ADAMTS14: variants seen among roughly 807,000 people sequenced by gnomAD.
The protein encoded by ADAMTS14 is A disintegrin and metalloproteinase with thrombospondin motifs 14.
In ADAMTS14, 100 loss-of-function variants were observed where a neutral mutation model predicts 128.6. That is an observed-to-expected ratio of 0.78 (90% CI 0.66 to 0.92). The LOEUF is 0.92. Ranked by LOEUF, ADAMTS14 falls within the 40% of genes least tolerant of loss-of-function variation. The pLI is 0.00. For synonymous variants in ADAMTS14, 665 were observed against 653.8 expected, an observed-to-expected ratio of 1.02 and a Z score of -0.26; for missense variants, 1,562 against 1,658.6, an observed-to-expected ratio of 0.94 and a Z score of 1.01.
At chr10:70,713,330 A>T (rs1340624448) in intron 4 of ADAMTS14, among the ~76,000 whole-genome samples, 2 of 80,002 alleles carry the variant, frequency 2.5e-5, no homozygotes, top group African/African-American at 9.5e-5. Flanking sequence ...GGGATGAGGT[A>T]TTGGGTGGGG....
chr10:70,683,481 G>A (rs1296512687), intron 2 of ADAMTS14, among the ~76,000 whole-genome samples: 1 of 152,228 alleles, frequency 6.6e-6, no homozygotes, highest in Non-Finnish European at 1.5e-5. Flanking sequence ...TTGGGGCAAT[G>A]TGAGGGCCTG....
intron 4 of ADAMTS14, among the ~76,000 whole-genome samples, chr10:70,715,926 C>T (rs1414659826): frequency 1.3e-5 from 2 of 152,172 alleles, no homozygotes; most frequent in Non-Finnish European, 2.9e-5. Flanking sequence ...CTCTGGTGTT[C>T]CCCTGACGTC....
At chr10:70,736,919 T>A in intron 10 of ADAMTS14, 126 bp downstream of exon 10, 1 of 805,186 alleles carries the variant, frequency 1.2e-6, no homozygotes, top group Non-Finnish European at 2.0e-6. Flanking sequence ...TTGAGGGTGG[T>A]GCTAAAAGAC....
Position 70,735,273 on chromosome 10 carries a change from T to C in ADAMTS14, c.1457T>C (p.Phe486Ser). The C allele has an allele frequency of 1.2e-6, 2 of 1,613,946 alleles. No individual in the cohort carries two copies. The highest frequency in any genetic ancestry group is 1.7e-6 in the Non-Finnish European group (2 of 1,179,914). Residue 486 changes from phenylalanine (F) to serine (S), a missense_variant, in exon 9 of 22, where the codon TTT (phenylalanine) becomes TCT (serine). Phe to Ser is a radical substitution (Grantham distance 155). Transcript: ENST00000373207. The stretch of plus-strand genomic sequence containing the variant: ...ATGGATGAGCAGTGCCGCTTTGACT[T>C]TGGCAGTGGCTACCAGACCTGCTTG... The part of the protein sequence containing the change: ...YSMDEQCRFD[F>S]GSGYQTCLAF...
At chr10:70,688,306 T>G (rs1188442125) in intron 2 of ADAMTS14, among the ~76,000 whole-genome samples, 2 of 69,992 alleles carry the variant, frequency 2.9e-5, no homozygotes, top group African/African-American at 5.1e-5. Flanking sequence ...TTCCTAGATG[T>G]GATGGCGGCT....
chr10:70,736,894 A>G (rs1243340786), intron 10 of ADAMTS14, 101 bp downstream of exon 10: 1 of 1,044,000 alleles, frequency 9.6e-7, no homozygotes, highest in Non-Finnish European at 1.4e-6. Flanking sequence ...CCCTCCCTCC[A>G]AGTGCTTATA....
intron 6 of ADAMTS14, among the ~76,000 whole-genome samples, chr10:70,731,325 G>C (rs1276683053): frequency 6.6e-6 from 1 of 152,172 alleles, no homozygotes; most frequent in Non-Finnish European, 1.5e-5. Context: ...GCAAATCTCA[G>C]CCTTCCAGGA....
chr10:70,740,108 T>C (rs1841949529), intron 11 of ADAMTS14, among the ~76,000 whole-genome samples: 1 of 152,232 alleles, frequency 6.6e-6, no homozygotes, highest in Admixed American at 6.5e-5. Context: ...GAGGCTTAAA[T>C]GAAATAATAT....
chr10:70,687,236 GC>G (rs1198418589), intron 2 of ADAMTS14, among the ~76,000 whole-genome samples: 1 of 105,234 alleles, frequency 9.5e-6, no homozygotes, highest in Non-Finnish European at 2.1e-5. Context: ...TGGGCGGGGG[GC>G]TGACCCCCCC....
chr10:70,748,722 CAT>C (rs903616301), intron 15 of ADAMTS14, among the ~76,000 whole-genome samples: 4 of 139,388 alleles, frequency 2.9e-5, no homozygotes, highest in Non-Finnish European at 4.8e-5. Flanking sequence ...GTGACTGGCA[CAT>C]AGTTAGTGTT....
rs1203051090 is a variant in ADAMTS14, at chr10:70,751,357, C to T, written c.2428-121C>T. 15 of 989,510 alleles carry T rather than the reference C, an allele frequency of 1.5e-5. No homozygotes were observed. The South Asian group carries it at 2.2e-4, about 14-fold the overall frequency. The allele number at this position is 989,510 out of a possible 1,614,324, so 61.3% of individuals were successfully genotyped here. Reference sequence around the variant, plus strand: ...ACCCCAGCCATGCTGGGCACAACCTCATCCTAGCTTTCACAGGTTCTGCTC... The same window carrying T: ...ACCCCAGCCATGCTGGGCACAACCTTATCCTAGCTTTCACAGGTTCTGCTC... On this transcript the variant is annotated intron_variant, in intron 16 of 21. Transcript: ENST00000373207.
Position 70,738,928 on chromosome 10 carries a change from G to A in ADAMTS14, c.1686G>A (p.Gly562=). ...GCTGGAGCTCCTGGACCAAGTTTGG[G>A]TCATGTTCGCGGTCATGTGGGGGCG... ...DGGWSSWTKF[G]SCSRSCGGGV... The change falls in exon 11 of 22, where the codon GGG becomes GGA. Residue 562 remains glycine (G), a synonymous_variant. Coordinates refer to ENST00000373207, the MANE Select transcript of ADAMTS14 (RefSeq NM_080722.4). 1 of 1,614,082 alleles carries A rather than the reference G, an allele frequency of 6.2e-7. No homozygotes were observed. Among genetic ancestry groups the A allele is most frequent in the Non-Finnish European group, 8.5e-7 (1 of 1,179,994 alleles).
chr10:70,742,168 C>T (rs34302694), intron 12 of ADAMTS14, among the ~76,000 whole-genome samples: 29,470 of 152,138 alleles, frequency 0.19, 3,595 homozygotes, highest in Non-Finnish European at 0.28. Context: ...TTGGATTCCT[C>T]CTACTCTGGG....
intron 2 of ADAMTS14, among the ~76,000 whole-genome samples, chr10:70,699,323 A>C (rs1840427125): frequency 6.6e-6 from 1 of 152,206 alleles, no homozygotes; most frequent in African/African-American, 2.4e-5. Flanking sequence ...AGATGAAATA[A>C]GATAATATAT....
At chr10:70,708,960 A>G (rs1403429193) in intron 4 of ADAMTS14, among the ~76,000 whole-genome samples, 182 bp downstream of exon 4, 3 of 152,110 alleles carry the variant, frequency 2.0e-5, no homozygotes, top group Non-Finnish European at 4.4e-5. Flanking sequence ...GCCAGGTTCG[A>G]TGGTGTAATG....
rs1463540383 is a variant in ADAMTS14 at position 70,673,055 on chromosome 10, G to C, written c.82+171G>C. On this transcript the variant is annotated intron_variant, in intron 1 of 21. Transcript: ENST00000373207. Reference sequence around the variant, plus strand: ...CCACTGTGCCACGGCACTGTCCCGTGATTTCTCTCCCTTTCTGGTACTAGA... The same window carrying C: ...CCACTGTGCCACGGCACTGTCCCGTCATTTCTCTCCCTTTCTGGTACTAGA... 3.9e-5 allele frequency among the ~76,000 whole-genome samples: 6 copies of C among 152,204 alleles called. No individual in the cohort carries two copies. In the East Asian group the frequency reaches 1.2e-3, roughly 29 times the overall value.
At chr10:70,728,450 A>G (rs1008466860) in intron 4 of ADAMTS14, among the ~76,000 whole-genome samples, 2 of 152,224 alleles carry the variant, frequency 1.3e-5, no homozygotes, top group Non-Finnish European at 2.9e-5. Context: ...AAAACAAAAA[A>G]GCTGGAGTAT....
At chr10:70,732,759 A>G (rs1841688257) in intron 7 of ADAMTS14, among the ~76,000 whole-genome samples, 1 of 152,270 alleles carries the variant, frequency 6.6e-6, no homozygotes, top group South Asian at 2.1e-4. Flanking sequence ...GACTTGATCC[A>G]GCCCACCCTG....
At chr10:70,750,504 C>T (rs59086363) in intron 16 of ADAMTS14, among the ~76,000 whole-genome samples, 2,537 of 152,288 alleles carry the variant, frequency 0.017, 69 homozygotes, top group African/African-American at 0.057. Flanking sequence ...CAGACGAGAC[C>T]ATTAGGAGTT....
Sources: gnomAD v4.1 joint callset for allele counts (sites outside exome capture counted in the v4.1 genomes callset) on GRCh38, gnomAD v4.1.1 for gene constraint, MANE v1.5 for transcripts, NCBI Gene and HGNC (gene_info 2026-07-23, HGNC 2026-07-21) for gene names.